PI4KA: variants seen among roughly 807,000 people sequenced by gnomAD.
PI4KA encodes the protein phosphatidylinositol 4-kinase alpha, also known as PI4-kinase alpha.
In PI4KA, 122 loss-of-function variants were observed where a neutral mutation model predicts 271.4. The ratio of observed to expected loss-of-function variants is 0.45; its 90% confidence interval spans 0.39 to 0.52. The LOEUF is 0.52. PI4KA is among the 20% of genes least tolerant of loss of function. The pLI is 0.00. For synonymous variants in PI4KA, 1,041 were observed against 1,078.8 expected, an observed-to-expected ratio of 0.96 and a Z score of 0.69; for missense variants, 1,969 against 2,769.1, an observed-to-expected ratio of 0.71 and a Z score of 6.48.
chr22:20,855,302 A>C (rs182916753), intron 1 of PI4KA, among the ~76,000 whole-genome samples: 83 of 152,226 alleles, frequency 5.5e-4, no homozygotes, highest in African/African-American at 1.8e-3. Context: ...GTTCAAGGGT[A>C]CATGTGCACA....
chr22:20,803,807 C>T (rs1416381010), intron 12 of PI4KA, among the ~76,000 whole-genome samples: 1 of 152,194 alleles, frequency 6.6e-6, no homozygotes, highest in Non-Finnish European at 1.5e-5. Context: ...AGTGAGCAAC[C>T]GTACCTGGCC....
At chr22:20,837,053 A>G (rs1924957345) in intron 2 of PI4KA, among the ~76,000 whole-genome samples, 1 of 151,826 alleles carries the variant, frequency 6.6e-6, no homozygotes, top group Admixed American at 6.6e-5. Flanking sequence ...AGGATATGGT[A>G]AACAGAAAAA....
intron 3 of PI4KA, among the ~76,000 whole-genome samples, chr22:20,827,631 T>G (rs563147936): frequency 5.3e-5 from 8 of 152,198 alleles, no homozygotes; most frequent in Non-Finnish European, 1.2e-4. Context: ...ATCCATAAAT[T>G]GCTCTGGGTA....
chr22:20,822,543 T>C (rs1040461154), intron 4 of PI4KA, among the ~76,000 whole-genome samples: 2 of 152,220 alleles, frequency 1.3e-5, no homozygotes, highest in Non-Finnish European at 2.9e-5. Context: ...CAACTTGCTT[T>C]CCAGATCTTC....
Position 20,751,309 on chromosome 22 carries a change from G to A in PI4KA, c.3137C>T (p.Thr1046Met). 6.8e-6 allele frequency: 11 copies of A among 1,613,844 alleles called. No homozygotes were observed. Among genetic ancestry groups the A allele is most frequent in the Non-Finnish European group, 9.3e-6 (11 of 1,179,768 alleles). The change falls in exon 27 of 55, where the codon ACG (threonine) becomes ATG (methionine). Residue 1046 changes from threonine (T) to methionine (M), a missense_variant. Thr to Met is a moderately conservative substitution (Grantham distance 81, BLOSUM62 -1). This residue lies in a region of PI4KA where 368 missense variants were observed against 544.3 expected (regional missense o/e 0.68). Coordinates refer to ENST00000255882, the MANE Select transcript of PI4KA (RefSeq NM_058004.4). ...DAPYRITVPDTYEARESIVKD... is the reference protein window; with the variant it reads ...DAPYRITVPDMYEARESIVKD... Reference sequence around the variant, plus strand: ...CGGGCCTACCTCACGGGCTTCGTACGTGTCAGGAACCGTGATCCGGTAGGG... The same window carrying A: ...CGGGCCTACCTCACGGGCTTCGTACATGTCAGGAACCGTGATCCGGTAGGG...
intron 1 of PI4KA, among the ~76,000 whole-genome samples, chr22:20,858,051 C>T (rs1254295865): frequency 2.6e-5 from 4 of 152,208 alleles, no homozygotes; most frequent in Non-Finnish European, 4.4e-5. Context: ...GGTTTACAGT[C>T]ACAAAGCACT....
At chr22:20,794,858 A>C (rs1934882550) in intron 18 of PI4KA, among the ~76,000 whole-genome samples, 1 of 152,198 alleles carries the variant, frequency 6.6e-6, no homozygotes, top group Non-Finnish European at 1.5e-5. Context: ...TTATAGGAGC[A>C]CAGTCACGCC....
At chr22:20,799,303 T>TA in intron 15 of PI4KA, 27 bp from the exon 16 acceptor site, 4 of 1,504,232 alleles carry the variant, frequency 2.7e-6, no homozygotes, top group Non-Finnish European at 3.5e-6. Context: ...AGAAGCGCCC[T>TA]AGCAACAGTC....
intron 6 of PI4KA, among the ~76,000 whole-genome samples, 160 bp downstream of exon 6, chr22:20,819,481 T>A (rs577574615): frequency 1.3e-5 from 2 of 152,134 alleles, no homozygotes; most frequent in East Asian, 3.9e-4. Flanking sequence ...CCCCCCAACA[T>A]CTTAAGAGGG....
At position 20,753,125 on chromosome 22, in the gene PI4KA, G is replaced by A. The variant is rs201090820; in HGVS notation, c.2847C>T (p.Asn949=). 33 of 1,614,080 alleles carry A rather than the reference G, an allele frequency of 2.0e-5. No individual in the cohort carries two copies. Among genetic ancestry groups the A allele is most frequent in the Middle Eastern group, 1.7e-4 (1 of 5,944 alleles). ...AGAGGCTTACTTTATCCGCCATCAT[G>A]TTCAGGAAGGCATCGAATACTTTGT... ...VADKVFDAFL[N]MMADKAKTKE... is the part of the protein sequence containing the mutation. The change falls in exon 24 of 55, where the codon AAC becomes AAT. Residue 949 remains asparagine, a synonymous_variant. Transcript: ENST00000255882.
At chr22:20,736,227 G>A (rs1928703645) in intron 32 of PI4KA, among the ~76,000 whole-genome samples, 1 of 151,800 alleles carries the variant, frequency 6.6e-6, no homozygotes, top group Admixed American at 6.6e-5. Context: ...TGCATGACGC[G>A]GCCTATGGTG....
chr22:20,792,341 C>T (rs1934697352), intron 19 of PI4KA, among the ~76,000 whole-genome samples: 1 of 152,128 alleles, frequency 6.6e-6, no homozygotes, highest in Non-Finnish European at 1.5e-5. Context: ...CTCTCTGTGC[C>T]TGCAATGCCA....
intron 32 of PI4KA, among the ~76,000 whole-genome samples, chr22:20,737,029 CTG>C (rs1480889356): frequency 2.0e-5 from 3 of 152,234 alleles, no homozygotes; most frequent in Admixed American, 6.5e-5. Context: ...GTGTCTGGAG[CTG>C]TGGTTGGACC....
At chr22:20,791,522 G>A (rs1186372773) in intron 19 of PI4KA, among the ~76,000 whole-genome samples, 1 of 152,204 alleles carries the variant, frequency 6.6e-6, no homozygotes, top group Non-Finnish European at 1.5e-5. Context: ...AAGGGAGGCT[G>A]AAGTGGGGCA....
At chr22:20,739,834 A>G (rs1929198302) in intron 32 of PI4KA, among the ~76,000 whole-genome samples, 1 of 152,102 alleles carries the variant, frequency 6.6e-6, no homozygotes, top group Non-Finnish European at 1.5e-5. Context: ...AGGCTGAGGC[A>G]GGTGCATCAC....
chr22:20,779,573 T>A, intron 19 of PI4KA: 1 of 1,614,196 alleles, frequency 6.2e-7, no homozygotes, highest in South Asian at 1.1e-5. Context: ...AGATATTCAG[T>A]GAAGACGACG....
At chr22:20,745,804 G>A (rs1929987725) in intron 29 of PI4KA, among the ~76,000 whole-genome samples, 1 of 151,968 alleles carries the variant, frequency 6.6e-6, no homozygotes, top group Non-Finnish European at 1.5e-5. Flanking sequence ...CACGTTCAAC[G>A]TAATGACACA....
rs548408697 is a variant in PI4KA at position 20,834,300 on chromosome 22, G to A, written c.367+262C>T. Among the ~76,000 whole-genome samples the A allele has an allele frequency of 1.1e-3, 161 of 152,302 alleles. 1 individual carries two copies. The highest frequency in any genetic ancestry group is 3.6e-3 in the African/African-American group (151 of 41,566). The stretch of plus-strand genomic sequence containing the variant: ...CAATGAGACATGAGAAAAGGTTCTT[G>A]AAGGTCTCAACGTTCTTGCTCACTC... On this transcript the variant is annotated intron_variant, in intron 3 of 54. Transcript: ENST00000255882.
intron 1 of PI4KA, among the ~76,000 whole-genome samples, chr22:20,848,815 A>G (rs911342511): frequency 6.6e-6 from 1 of 152,112 alleles, no homozygotes; most frequent in Non-Finnish European, 1.5e-5. Flanking sequence ...CACAAGGGAC[A>G]AAAGAAAAAA....
Sources: gnomAD v4.1 joint callset for allele counts (sites outside exome capture counted in the v4.1 genomes callset) on GRCh38, gnomAD v4.1.1 for gene constraint, gnomAD v4.1.1 regional missense constraint, MANE v1.5 for transcripts, NCBI Gene and HGNC (gene_info 2026-07-23, HGNC 2026-07-21) for gene names.